The following ERCC1 variants were observed in gnomAD, a reference collection of about 807,000 sequenced individuals.
ERCC1 encodes DNA excision repair protein ERCC-1.
Under a neutral mutation model 37.6 loss-of-function variants are expected in ERCC1, and 36 were observed. The ratio of observed to expected loss-of-function variants is 0.96; its 90% CI spans 0.73 to 1.26. ERCC1 has a LOEUF of 1.26. Among genes scored for constraint, ERCC1 ranks in the 50% most tolerant of loss-of-function variants. The probability of loss-of-function intolerance (pLI) is 0.00; values close to 1 mark genes in which losing one functional copy is unlikely to be tolerated. For synonymous variants in ERCC1, 156 were observed against 162.1 expected (o/e 0.96, Z 0.28); for missense variants, 349 against 376.5 (o/e 0.93, Z 0.60).
intron 1 of ERCC1, among the ~76,000 whole-genome samples, chr19:45,447,194 C>T (rs1369676848): frequency 1.3e-5 from 2 of 152,020 alleles, no homozygotes; most frequent in African/African-American, 2.4e-5. Flanking sequence ...AACACAGTCA[C>T]GCATACACAC....
Position 45,420,258 on chromosome 19 carries a change from G to A in ERCC1, c.425+66C>T. The A allele has an allele frequency of 1.9e-6, 2 of 1,041,196 alleles. No individual in the cohort carries two copies. Among genetic ancestry groups the A allele is most frequent in the South Asian group, 2.6e-5 (2 of 75,576 alleles). The allele number at this position is 1,041,196 out of a possible 1,614,324, so 64.5% of individuals were successfully genotyped here. On this transcript the variant is annotated intron_variant, in intron 4 of 9. Coordinates refer to ENST00000300853, the MANE Select transcript of ERCC1 (RefSeq NM_001983.4). The surrounding 1 kb of genome is among the most constrained non-coding windows in gnomAD (Gnocchi z 4.8). ...TCTCATAGAACAGTCCAGAACACTG[G>A]GACATGACCCTCCCAGGCCAGTGGG...
chr19:45,442,465 CG>C (rs1453303567), intron 1 of ERCC1, among the ~76,000 whole-genome samples: 1 of 152,160 alleles, frequency 6.6e-6, no homozygotes, highest in African/African-American at 2.4e-5. Context: ...TGAGCTCTCA[CG>C]ATGTCCCTGG....
chr19:45,416,434 T>C (rs977152998), intron 6 of ERCC1: 7 of 233,698 alleles, frequency 3.0e-5, no homozygotes, highest in Non-Finnish European at 5.1e-5. Context: ...GAGGATCACC[T>C]GAGGTCAGGA....
chr19:45,445,383 A>G (rs1274615338), intron 1 of ERCC1, among the ~76,000 whole-genome samples: 1 of 152,232 alleles, frequency 6.6e-6, no homozygotes, highest in Non-Finnish European at 1.5e-5. Flanking sequence ...AGAATGCAGT[A>G]TTGAACAAGA....
At chr19:45,413,645 CA>C (rs746581397) in intron 9 of ERCC1, 31 bp downstream of exon 9, 78 of 1,614,234 alleles carry the variant, frequency 4.8e-5, no homozygotes, top group Non-Finnish European at 6.4e-5. Context: ...CTCCTTCCCC[CA>C]ACTCCTTGGG....
intron 1 of ERCC1, among the ~76,000 whole-genome samples, chr19:45,451,454 C>T (rs1967119444): frequency 6.6e-6 from 1 of 152,176 alleles, no homozygotes; most frequent in African/African-American, 2.4e-5. Context: ...TTCCTTTCCC[C>T]GCTCCCTTGG....
At position 45,420,476 on chromosome 19, in the gene ERCC1, A is replaced by T; in HGVS notation, c.322-49T>A. 1 of 1,197,522 alleles carries T rather than the reference A, an allele frequency of 8.4e-7. No homozygotes were observed. The highest frequency in any genetic ancestry group is 1.2e-6 in the Non-Finnish European group (1 of 811,944). 74.2% of individuals were successfully genotyped at this position (1,197,522 alleles called of 1,614,324 possible). On this transcript the variant is annotated intron_variant, in intron 3 of 9. Coordinates refer to ENST00000300853, the MANE Select transcript of ERCC1 (RefSeq NM_001983.4). The surrounding 1 kb of genome is among the most constrained non-coding windows in gnomAD (Gnocchi z 4.8). ...GCCATCAATAGGGATGACCCTTGAT[A>T]ACCACAGGGCCCTCCTCCACCTCTT...
At position 45,407,846 on chromosome 19, in the gene ERCC1, A is replaced by G. The variant is rs910239756; in HGVS notation, c.*1829T>C. The G allele has an allele frequency of 4.6e-5, 14 of 302,780 alleles. No individual in the cohort carries two copies. The highest frequency in any genetic ancestry group is 6.1e-5 in the Non-Finnish European group (10 of 163,466). 18.8% of individuals were successfully genotyped at this position (302,780 alleles called of 1,614,324 possible). On this transcript the variant is annotated 3_prime_UTR_variant, in exon 10 of 10. Transcript: ENST00000300853. ...CGAGGCGAGCAGATCACTTGAGGTC[A>G]GGAGTTCAAGACCAGCCTGGCCAAC...
At chr19:45,450,905 C>G (rs1350953802) in intron 1 of ERCC1, among the ~76,000 whole-genome samples, 2 of 58,896 alleles carry the variant, frequency 3.4e-5, no homozygotes, top group African/African-American at 1.1e-4. Context: ...CCCCCCCCCC[C>G]ACGCCCGCGC....
At chr19:45,415,721 A>G (rs1974031876) in intron 6 of ERCC1, 1 of 455,124 alleles carries the variant, frequency 2.2e-6, no homozygotes, top group Non-Finnish European at 4.4e-6. Context: ...CCTGGTAGTA[A>G]CCACTGCTGG....
At chr19:45,418,843 C>CAA (rs1974223045) in intron 5 of ERCC1, among the ~76,000 whole-genome samples, 1 of 152,024 alleles carries the variant, frequency 6.6e-6, no homozygotes, top group African/African-American at 2.4e-5. Flanking sequence ...AACAAACAAA[C>CAA]ACAAAACAAA....
At chr19:45,449,571 C>G (rs574470014) in intron 1 of ERCC1, among the ~76,000 whole-genome samples, 1 of 152,100 alleles carries the variant, frequency 6.6e-6, no homozygotes, top group Admixed American at 6.6e-5. Flanking sequence ...TAGGCTGAGG[C>G]GGGAGGATTG....
chr19:45,415,783 C>G, intron 6 of ERCC1: 1 of 456,012 alleles, frequency 2.2e-6, no homozygotes, highest in South Asian at 1.5e-5. Flanking sequence ...GAGCCCAACC[C>G]CACTTCTCCC....
chr19:45,418,221 C>T (rs1040946579), intron 5 of ERCC1, among the ~76,000 whole-genome samples: 1 of 152,044 alleles, frequency 6.6e-6, no homozygotes, highest in African/African-American at 2.4e-5. Context: ...TGGTGGTACG[C>T]ACCTGTAATC....
At chr19:45,409,929 TCGCCC>T (rs1973605357) in intron 9 of ERCC1, 1 of 206,576 alleles carries the variant, frequency 4.8e-6, no homozygotes, top group Non-Finnish European at 9.2e-6. Flanking sequence ...TCTCGCTCTG[TCGCCC>T]AGGTTGGAGT....
Position 45,419,081 on chromosome 19 carries a change from G to A in ERCC1, c.525+17C>T, listed in dbSNP as rs1974238181. 2 of 1,533,424 alleles carry A rather than the reference G, an allele frequency of 1.3e-6. No individual in the cohort carries two copies. The highest frequency in any genetic ancestry group is 2.4e-5 in the East Asian group (1 of 41,490). 95.0% of individuals were successfully genotyped at this position (1,533,424 alleles called of 1,614,324 possible). Reference sequence around the variant, plus strand: ...TCAAAGCCCGGTGAGGCTGGCTAGGGAGCAGCCCCTGCTTACCACATCCAC... The same window carrying A: ...TCAAAGCCCGGTGAGGCTGGCTAGGAAGCAGCCCCTGCTTACCACATCCAC... On this transcript the variant is annotated intron_variant, in intron 5 of 9. Coordinates refer to ENST00000300853, the MANE Select transcript of ERCC1 (RefSeq NM_001983.4).
chr19:45,440,046 C>T (rs912762650), intron 1 of ERCC1, among the ~76,000 whole-genome samples: 1 of 152,084 alleles, frequency 6.6e-6, no homozygotes. Context: ...CGGTGCTGGG[C>T]GCAGCCCGGC....
intron 7 of ERCC1, among the ~76,000 whole-genome samples, 165 bp from the exon 8 acceptor site, chr19:45,414,199 G>T (rs997155380): frequency 6.6e-6 from 1 of 152,172 alleles, no homozygotes; most frequent in African/African-American, 2.4e-5. Flanking sequence ...TCTCAGGCTG[G>T]GCGTGGTGGC....
rs181620276 is a variant in ERCC1, at chr19:45,409,965, C to T, written c.844-240G>A. 2.1e-3 allele frequency: 371 copies of T among 180,440 alleles called. 2 individuals carry two copies. Among genetic ancestry groups the T allele is most frequent in the African/African-American group, 8.6e-3 (354 of 41,158 alleles). The allele number at this position is 180,440 out of a possible 1,614,324, so 11.2% of individuals were successfully genotyped here. On this transcript the variant is annotated intron_variant, in intron 9 of 9. Transcript: ENST00000300853. ...GGAGTGCAGTGGCGCAATCTCGGCT[C>T]ACTGCAAGCTCCGCCTCCCGGGTTC...
Sources: gnomAD v4.1 joint callset for allele counts (sites outside exome capture counted in the v4.1 genomes callset) on GRCh38, gnomAD v4.1.1 for gene constraint, Gnocchi (gnomAD v3.1) non-coding constraint, MANE v1.5 for transcripts, NCBI Gene and HGNC (gene_info 2026-07-23, HGNC 2026-07-21) for gene names.